Variants in PPDPFL observed in about 807,000 individuals in gnomAD.
PPDPFL encodes pancreatic progenitor cell differentiation and proliferation factor like.
Under a neutral mutation model 12.6 loss-of-function variants are expected in PPDPFL, and 12 were observed. The observed-to-expected ratio is 0.95, with a 90% confidence interval of 0.61 to 1.54. The LOEUF is 1.54. Among genes scored for constraint, PPDPFL ranks in the 40% most tolerant of loss-of-function variants. The pLI is 0.00. For synonymous variants in PPDPFL, 24 were observed against 32.7 expected (o/e 0.73, Z 0.91); for missense variants, 114 against 96.0 (o/e 1.19, Z -0.78).
intron 1 of PPDPFL, among the ~76,000 whole-genome samples, chr8:49,058,586 A>T (rs1393069942): frequency 6.6e-6 from 1 of 152,236 alleles, no homozygotes; most frequent in African/African-American, 2.4e-5. Context: ...TATGACAAGG[A>T]TTGAAGCACT....
intron 1 of PPDPFL, among the ~76,000 whole-genome samples, chr8:49,066,924 T>G (rs575761971): frequency 6.6e-6 from 1 of 152,172 alleles, no homozygotes; most frequent in South Asian, 2.1e-4. Flanking sequence ...CCCTGTAAGC[T>G]CCCAGGATCT....
rs1242352750 is a variant in PPDPFL, at chr8:49,075,680, T to C, written c.*507T>C. On this transcript the variant is annotated 3_prime_UTR_variant, in exon 5 of 5. Transcript: ENST00000522267. ...GTTTCACATAATGGTTTAAAGGGCA[T>C]TGAATTCGAAATTTTAGAAAATAAT... The C allele has an allele frequency of 5.7e-6, 1 of 174,810 alleles. No homozygotes were observed. The highest frequency in any genetic ancestry group is 1.2e-5 in the Non-Finnish European group (1 of 81,762). 10.8% of individuals were successfully genotyped at this position (174,810 alleles called of 1,614,324 possible). A position where few individuals can be genotyped will look rare whatever the true frequency, so the allele number is the denominator to read the frequency against.
chr8:49,063,114 G>T (rs77363841), intron 1 of PPDPFL, among the ~76,000 whole-genome samples: 3,434 of 152,330 alleles, frequency 0.023, 163 homozygotes, highest in East Asian at 0.19. Context: ...ATGTCATCAT[G>T]ACATGCTTGT....
At position 49,064,056 on chromosome 8, in the gene PPDPFL, G is replaced by A. The variant is rs575897520; in HGVS notation, c.-44-8731G>A. On this transcript the variant is annotated intron_variant, in intron 1 of 4. Transcript: ENST00000517663. ...CCTGACTTTCTTCTGTTACTGAAGC[G>A]CCAGATCTCCATAGAACACATGTTG... 3.3e-5 allele frequency among the ~76,000 whole-genome samples: 5 copies of A among 152,196 alleles called. 1 individual carries two copies. Among genetic ancestry groups the A allele is most frequent in the Admixed American group, 1.3e-4 (2 of 15,298 alleles).
chr8:49,054,558 G>A (rs562900153), intron 1 of PPDPFL, among the ~76,000 whole-genome samples: 67 of 152,210 alleles, frequency 4.4e-4, no homozygotes, highest in African/African-American at 1.6e-3. Context: ...GGGAGTCAAA[G>A]TTGTATGTGG....
At chr8:49,073,753 C>T (rs1261779056) in intron 2 of PPDPFL, among the ~76,000 whole-genome samples, 2 of 152,084 alleles carry the variant, frequency 1.3e-5, no homozygotes, top group African/African-American at 2.4e-5. Flanking sequence ...TATTCTTGGT[C>T]TTGTTCTTTC....
chr8:49,071,614 C>T (rs1387199795), upstream of PPDPFL, among the ~76,000 whole-genome samples: 1 of 151,886 alleles, frequency 6.6e-6, no homozygotes, highest in Non-Finnish European at 1.5e-5. Context: ...CCAAATCGCG[C>T]CACTGCACTC....
chr8:49,067,350 T>C (rs1808315379), upstream of PPDPFL, among the ~76,000 whole-genome samples: 1 of 152,252 alleles, frequency 6.6e-6, no homozygotes. Context: ...GGAGTGACTA[T>C]GCTATGCTTA....
chr8:49,071,858 C>T (rs1285776352), upstream of PPDPFL, among the ~76,000 whole-genome samples: 1 of 152,242 alleles, frequency 6.6e-6, no homozygotes, highest in African/African-American at 2.4e-5. Context: ...TCCACTGACT[C>T]TGTCCCACTT....
intron 1 of PPDPFL, among the ~76,000 whole-genome samples, chr8:49,061,654 T>C (rs560168809): frequency 1.3e-5 from 2 of 152,184 alleles, no homozygotes; most frequent in Admixed American, 6.5e-5. Context: ...TGCCAATTCA[T>C]TGGAGAAAAT....
At chr8:49,058,572 C>G (rs1342661244) in intron 1 of PPDPFL, among the ~76,000 whole-genome samples, 1 of 152,142 alleles carries the variant, frequency 6.6e-6, no homozygotes, top group Admixed American at 6.5e-5. Flanking sequence ...ATTCTGAATG[C>G]TAATATGACA....
At chr8:49,061,245 G>A (rs181847624) in intron 1 of PPDPFL, among the ~76,000 whole-genome samples, 4 of 152,232 alleles carry the variant, frequency 2.6e-5, no homozygotes, top group Admixed American at 1.3e-4. Context: ...GAGCTTATTA[G>A]GGTGGGCTCC....
At chr8:49,071,959 TG>T, upstream of PPDPFL, among the ~76,000 whole-genome samples, 1 of 152,218 alleles carries the variant, frequency 6.6e-6, no homozygotes, top group Non-Finnish European at 1.5e-5. Context: ...TGGGCAGGTA[TG>T]TTCAGTCTCC....
At chr8:49,069,341 C>T (rs1263584831), upstream of PPDPFL, among the ~76,000 whole-genome samples, 1 of 152,114 alleles carries the variant, frequency 6.6e-6, no homozygotes, top group African/African-American at 2.4e-5. Context: ...TGGCAGTATA[C>T]AGTAAATAAA....
At chr8:49,068,003 T>C (rs1465872375), upstream of PPDPFL, among the ~76,000 whole-genome samples, 4 of 152,208 alleles carry the variant, frequency 2.6e-5, no homozygotes, top group Non-Finnish European at 4.4e-5. Context: ...AGCAATCAGG[T>C]AAAAATTACT....
chr8:49,075,191 G>T lies in PPDPFL; in HGVS notation c.*18G>T, dbSNP rs777290769. 3.1e-6 allele frequency: 5 copies of T among 1,613,672 alleles called. No homozygotes were observed. Among genetic ancestry groups the T allele is most frequent in the African/African-American group, 1.3e-5 (1 of 74,866 alleles). ...CTTTGTAGCTGATCATCTTTGCACT[G>T]CCATTTGATGAACATGTTGGTAACG... On this transcript the variant is annotated 3_prime_UTR_variant, in exon 5 of 5. Coordinates refer to ENST00000522267, the MANE Select transcript of PPDPFL (RefSeq NM_001256597.2).
In PPDPFL at chr8:49,065,810, G is replaced by A. The variant is rs558086767; in HGVS notation, c.-44-6977G>A. Reference sequence around the variant, plus strand: ...ATCAGCCTTTGCTCCTTGGCAGCCCGGCATCTGAAGACCTATTTTGGGGGA... The same window carrying A: ...ATCAGCCTTTGCTCCTTGGCAGCCCAGCATCTGAAGACCTATTTTGGGGGA... On this transcript the variant is annotated intron_variant, in intron 1 of 4. Coordinates refer to the PPDPFL transcript ENST00000517663. Among the ~76,000 whole-genome samples, 19 of 152,262 alleles carry A rather than the reference G, an allele frequency of 1.2e-4. No individual in the cohort carries two copies. In the East Asian group the frequency reaches 1.7e-3, roughly 14 times the overall value.
rs1311718962 is a variant in PPDPFL, at chr8:49,075,338, T to C, written c.*165T>C. Reference sequence around the variant, plus strand: ...CCAGCTATTCCAGGACTCTTCTCCATTGTAAGAAGACAGAAATGTGTCTGA... The same window carrying C: ...CCAGCTATTCCAGGACTCTTCTCCACTGTAAGAAGACAGAAATGTGTCTGA... On this transcript the variant is annotated 3_prime_UTR_variant, in exon 5 of 5. Coordinates refer to ENST00000522267, the MANE Select transcript of PPDPFL (RefSeq NM_001256597.2). 4.4e-6 allele frequency: 6 copies of C among 1,377,554 alleles called. No individual in the cohort carries two copies. In the East Asian group the frequency reaches 6.8e-5, roughly 16 times the overall value. 85.3% of individuals were successfully genotyped at this position (1,377,554 alleles called of 1,614,324 possible). A position where few individuals can be genotyped will look rare whatever the true frequency, so the allele number is the denominator to read the frequency against.
Position 49,075,297 on chromosome 8 carries a change from G to T in PPDPFL, c.*124G>T, listed in dbSNP as rs750199496. 2.5e-6 allele frequency: 4 copies of T among 1,604,528 alleles called. No homozygotes were observed. In the South Asian group the frequency reaches 3.3e-5, roughly 13 times the overall value. On this transcript the variant is annotated 3_prime_UTR_variant, in exon 5 of 5. Transcript: ENST00000522267. ...TGCTGCAGTGGTCCATACATGAACA[G>T]CTCCCCTTCAGCGCCCCAGCTATTC...
Sources: gnomAD v4.1 joint callset for allele counts (sites outside exome capture counted in the v4.1 genomes callset) on GRCh38, gnomAD v4.1.1 for gene constraint, MANE v1.5 for transcripts, NCBI Gene and HGNC (gene_info 2026-07-23, HGNC 2026-07-21) for gene names.